The following ESRRG variants were observed in gnomAD, a reference collection of about 807,000 sequenced individuals.
ESRRG encodes the protein estrogen-related receptor gamma.
Under a neutral mutation model 44.0 loss-of-function variants are expected in ESRRG, and 13 were observed. That is an observed-to-expected ratio of 0.30 (90% CI 0.19 to 0.47). The LOEUF (loss-of-function observed/expected upper bound fraction) is 0.47, where lower values mean the gene tolerates loss of function less well. Among genes scored for constraint, ESRRG ranks in the 20% least tolerant of loss-of-function variants. The pLI is 1.00. For missense variants in ESRRG, 395 were observed against 580.6 expected (o/e 0.68, Z 3.29); for synonymous variants, 215 against 214.6 (o/e 1.00, Z -0.02).
At chr1:216,533,463 C>A (rs1273738069) in intron 5 of ESRRG, among the ~76,000 whole-genome samples, 1 of 151,882 alleles carries the variant, frequency 6.6e-6, no homozygotes, top group African/African-American at 2.4e-5. Context: ...GTTAACTGAC[C>A]CCCTATCTCA....
intron 3 of ESRRG, among the ~76,000 whole-genome samples, chr1:216,610,965 G>A (rs2060568767): frequency 6.6e-6 from 1 of 152,050 alleles, no homozygotes; most frequent in Admixed American, 6.5e-5. Context: ...TCAGTTGGGA[G>A]GCCGAGGTGG....
chr1:217,083,305 A>G (rs977421365), intron 1 of ESRRG, among the ~76,000 whole-genome samples: 6 of 152,202 alleles, frequency 3.9e-5, no homozygotes, highest in African/African-American at 1.4e-4. Flanking sequence ...TTCATTCGAA[A>G]CCACAGATAC....
At chr1:216,843,506 G>A (rs2148896640) in intron 2 of ESRRG, among the ~76,000 whole-genome samples, 1 of 152,162 alleles carries the variant, frequency 6.6e-6, no homozygotes, top group African/African-American at 2.4e-5. Context: ...TCTACATTAA[G>A]GGTCAAAATC....
At chr1:216,816,300 G>A (rs2095134945) in intron 2 of ESRRG, among the ~76,000 whole-genome samples, 2 of 152,082 alleles carry the variant, frequency 1.3e-5, no homozygotes, top group Non-Finnish European at 2.9e-5. Flanking sequence ...CTTAATAGGA[G>A]CTATTAAAAA....
chr1:216,920,403 TGTGTGTGTGTGTGTGTGC>T (rs2061684459), intron 2 of ESRRG, among the ~76,000 whole-genome samples: 2 of 126,598 alleles, frequency 1.6e-5, no homozygotes, highest in African/African-American at 5.6e-5. Flanking sequence ...TGTGTGTGTG[TGTGTGTGTGTGTGTGTGC>T]GCATATTTTT....
At chr1:216,916,413 A>T (rs1008974895) in intron 2 of ESRRG, among the ~76,000 whole-genome samples, 2 of 152,250 alleles carry the variant, frequency 1.3e-5, no homozygotes, top group East Asian at 3.8e-4. Flanking sequence ...CAAACTCCCA[A>T]GTGAAAGACA....
intron 2 of ESRRG, among the ~76,000 whole-genome samples, chr1:216,881,997 T>C (rs535001025): frequency 2.2e-4 from 33 of 150,464 alleles, no homozygotes; most frequent in Non-Finnish European, 4.0e-4. Context: ...CTTAAGAAAA[T>C]AGGCTTGGAC....
At chr1:216,928,867 A>G (rs2062935432) in intron 2 of ESRRG, among the ~76,000 whole-genome samples, 1 of 152,202 alleles carries the variant, frequency 6.6e-6, no homozygotes, top group Non-Finnish European at 1.5e-5. Flanking sequence ...AAGGACAAAC[A>G]TTGTATGATT....
upstream of ESRRG, among the ~76,000 whole-genome samples, chr1:217,090,109 A>G (rs2092309332): frequency 6.6e-6 from 1 of 152,130 alleles, no homozygotes; most frequent in African/African-American, 2.4e-5. Flanking sequence ...CTGGGTGTGT[A>G]TATATGTGTG....
chr1:217,040,543 G>A lies in ESRRG; in HGVS notation c.-106+48964C>T, dbSNP rs543175092. Among the ~76,000 whole-genome samples the A allele has an allele frequency of 1.7e-4, 26 of 152,172 alleles. No homozygotes were observed. In the East Asian group the frequency reaches 3.1e-3, roughly 18 times the overall value. ...GTTAAGCTTTTTCAGCAATAAGTTA[G>A]CAATCAAAAACTTTTTTTATGCTGA... On this transcript the variant is annotated intron_variant, in intron 1 of 7. Coordinates refer to the ESRRG transcript ENST00000359162.
At chr1:216,712,508 T>A (rs1361232802) in intron 1 of ESRRG, among the ~76,000 whole-genome samples, 1 of 152,188 alleles carries the variant, frequency 6.6e-6, no homozygotes, top group South Asian at 2.1e-4. Flanking sequence ...GGCGACGTGA[T>A]GAATACCCTC....
chr1:217,108,298 T>C (rs11117772), intron 1 of ESRRG, among the ~76,000 whole-genome samples: 44,714 of 152,048 alleles, frequency 0.29, 6,664 homozygotes, highest in South Asian at 0.36. Context: ...CCTCCTAAAA[T>C]TTTTTCTCTA....
chr1:216,627,406 C>A (rs2063364940), intron 3 of ESRRG, among the ~76,000 whole-genome samples: 1 of 152,138 alleles, frequency 6.6e-6, no homozygotes, highest in South Asian at 2.1e-4. Context: ...CTCTGAGATG[C>A]CAGCTCGGCT....
At chr1:217,017,112 C>G (rs1416999804) in intron 1 of ESRRG, among the ~76,000 whole-genome samples, 2 of 152,104 alleles carry the variant, frequency 1.3e-5, no homozygotes, top group African/African-American at 4.8e-5. Flanking sequence ...CTATGATATA[C>G]AAGTAAAAAG....
chr1:216,618,485 C>A (rs1238534595), intron 3 of ESRRG, among the ~76,000 whole-genome samples: 2 of 152,208 alleles, frequency 1.3e-5, no homozygotes, highest in African/African-American at 4.8e-5. Context: ...TACAATCTTA[C>A]ATATTCATCT....
chr1:216,934,936 T>G (rs1190976635), intron 2 of ESRRG, among the ~76,000 whole-genome samples: 2 of 152,176 alleles, frequency 1.3e-5, no homozygotes, highest in Admixed American at 1.3e-4. Context: ...GAATGGCCGG[T>G]ATGTAGTAAG....
chr1:217,004,572 T>C (rs1048833371), intron 1 of ESRRG, among the ~76,000 whole-genome samples: 4 of 152,158 alleles, frequency 2.6e-5, no homozygotes, highest in African/African-American at 9.7e-5. Context: ...TTTATTAGCG[T>C]GAAAACTAAC....
chr1:216,865,747 C>T (rs1259989609), intron 2 of ESRRG, among the ~76,000 whole-genome samples: 1 of 152,158 alleles, frequency 6.6e-6, no homozygotes, highest in Non-Finnish European at 1.5e-5. Context: ...GAATTTCTCT[C>T]GTGATACTAG....
At chr1:216,511,357 T>A (rs936483672) in intron 6 of ESRRG, among the ~76,000 whole-genome samples, 37 of 152,136 alleles carry the variant, frequency 2.4e-4, no homozygotes, top group African/African-American at 7.7e-4. Context: ...TGAGGAACAC[T>A]GGTTGATTGC....
Sources: allele counts gnomAD v4.1 joint callset (sites outside exome capture counted in the v4.1 genomes callset), GRCh38; gene constraint gnomAD v4.1.1; transcripts MANE v1.5; gene names NCBI Gene and HGNC (gene_info 2026-07-23, HGNC 2026-07-21).